Variants in RNPC3 observed in about 807,000 individuals in gnomAD.
RNPC3 encodes RNA binding region (RNP1, RRM) containing 3.
In RNPC3, 48 loss-of-function variants were observed where a neutral mutation model predicts 67.5. The observed-to-expected ratio is 0.71, with a 90% confidence interval of 0.56 to 0.90. The LOEUF is 0.90. Ranked by LOEUF, RNPC3 falls within the 40% of genes least tolerant of loss-of-function variation. RNPC3 has a pLI of 0.00. For missense variants in RNPC3, 637 were observed against 626.1 expected, an observed-to-expected ratio of 1.02 and a Z score of -0.19; for synonymous variants, 239 against 210.3, an observed-to-expected ratio of 1.14 and a Z score of -1.18.
Position 103,552,528 on chromosome 1 carries a change from G to T in RNPC3, c.*12+736G>T, listed in dbSNP as rs1651419079. On this transcript the variant is annotated intron_variant, in intron 14 of 14. Transcript: ENST00000423855. ...TGTAATCTCAGCAATTTGGGAAGTGGAGGTGGGCGGATCACAAGGTCCAGA... is the reference window on the plus strand; with the variant it reads ...TGTAATCTCAGCAATTTGGGAAGTGTAGGTGGGCGGATCACAAGGTCCAGA... The T allele has an allele frequency of 2.0e-5, 3 of 152,214 alleles. No homozygotes were observed. In the South Asian group the frequency reaches 6.2e-4, roughly 32 times the overall value. The allele number at this position is 152,214 out of a possible 1,614,324, so 9.4% of individuals were successfully genotyped here.
chr1:103,551,267 G>T, intron 13 of RNPC3, 194 bp downstream of exon 13: 1 of 522,970 alleles, frequency 1.9e-6, no homozygotes, highest in Non-Finnish European at 3.3e-6. Flanking sequence ...AGCTTCAGCA[G>T]CATGAGGTTG....
At chr1:103,532,996 T>C (rs1187293886) in intron 2 of RNPC3, among the ~76,000 whole-genome samples, 1 of 152,058 alleles carries the variant, frequency 6.6e-6, no homozygotes, top group Non-Finnish European at 1.5e-5. Context: ...GTTTTCATAC[T>C]GATACGGATA....
intron 11 of RNPC3, 44 bp downstream of exon 11, chr1:103,546,386 G>A (rs1435746380): frequency 2.8e-6 from 3 of 1,062,726 alleles, no homozygotes. Flanking sequence ...AAAATAATTT[G>A]AAGGTTTTAT....
At position 103,551,034 on chromosome 1, in the gene RNPC3, A is replaced by G; in HGVS notation, c.1455A>G (p.Glu485=). 2.5e-6 allele frequency: 4 copies of G among 1,612,640 alleles called. No individual in the cohort carries two copies. In the South Asian group the frequency reaches 4.4e-5, roughly 18 times the overall value. Residue 485 remains glutamate, a synonymous_variant, in exon 13 of 15, where the codon GAA becomes GAG. Transcript: ENST00000423855. ...AAGCAGCAGCAAAAGCCTTAAAGGA[A>G]GCTAATGGATATGTGCTTTTTGGAA... is the stretch of plus-strand genomic sequence containing the variant. ...NEKAAAKALK[E]ANGYVLFGKP...
intron 7 of RNPC3, among the ~76,000 whole-genome samples, chr1:103,538,064 C>T (rs1412399409): frequency 1.3e-5 from 2 of 152,024 alleles, no homozygotes; most frequent in Non-Finnish European, 2.9e-5. Flanking sequence ...AGGCTGGTCT[C>T]GAACTCCCAA....
chr1:103,539,239 G>A (rs902084307), intron 7 of RNPC3, among the ~76,000 whole-genome samples: 5 of 152,162 alleles, frequency 3.3e-5, no homozygotes, highest in African/African-American at 1.2e-4. Context: ...GTTGGCATGA[G>A]GCAGAACCCA....
chr1:103,553,033 A>G (rs1318869308), intron 14 of RNPC3, among the ~76,000 whole-genome samples: 2 of 152,098 alleles, frequency 1.3e-5, no homozygotes, highest in Admixed American at 6.5e-5. Context: ...ATTGGTCACA[A>G]TTACTGGTGT....
intron 2 of RNPC3, among the ~76,000 whole-genome samples, chr1:103,528,814 A>G (rs1029719685): frequency 6.6e-6 from 1 of 152,248 alleles, no homozygotes; most frequent in Non-Finnish European, 1.5e-5. Context: ...TAGGAGAACT[A>G]GAAAGGAAAT....
rs926629091 is a variant in RNPC3 at position 103,543,046 on chromosome 1, C to A, written c.894-250C>A. Among the ~76,000 whole-genome samples the A allele has an allele frequency of 4.6e-5, 7 of 151,726 alleles. No homozygotes were observed. In the East Asian group the frequency reaches 1.3e-3, roughly 29 times the overall value. On this transcript the variant is annotated intron_variant, in intron 8 of 14. Transcript: ENST00000423855. ...CCTTCTCTGTCATTTACAGAATGAC[C>A]TTATACAAATTATTGACATCGCTGA...
At chr1:103,530,780 C>T (rs1187163623) in intron 2 of RNPC3, among the ~76,000 whole-genome samples, 2 of 152,060 alleles carry the variant, frequency 1.3e-5, no homozygotes, top group Non-Finnish European at 2.9e-5. Context: ...GCCTTGACCA[C>T]AATGGTAGTG....
Position 103,525,900 on chromosome 1 carries a change from C to T in RNPC3, c.-171C>T, listed in dbSNP as rs949681070. 5 of 604,170 alleles carry T rather than the reference C, an allele frequency of 8.3e-6. No individual in the cohort carries two copies. Among genetic ancestry groups the T allele is most frequent in the Non-Finnish European group, 1.4e-5 (5 of 346,670 alleles). 37.4% of individuals were successfully genotyped at this position (604,170 alleles called of 1,614,324 possible). ...CCCCGAAGAGTCTTCGAAGGGTTGC[C>T]GCTTTTCGGTGGCGCAGTTCTCGCG... On this transcript the variant is annotated 5_prime_UTR_variant, in exon 1 of 15. Coordinates refer to ENST00000423855, the MANE Select transcript of RNPC3 (RefSeq NM_017619.4).
chr1:103,539,473 A>G (rs1332802463), intron 7 of RNPC3, among the ~76,000 whole-genome samples: 1 of 152,230 alleles, frequency 6.6e-6, no homozygotes, highest in Non-Finnish European at 1.5e-5. Flanking sequence ...TAACTTGTTG[A>G]GTGTTAACTG....
At position 103,544,487 on chromosome 1, in the gene RNPC3, A is replaced by C. The variant is rs142108669; in HGVS notation, c.1046-454A>C. On this transcript the variant is annotated intron_variant, in intron 9 of 14. Coordinates refer to ENST00000423855, the MANE Select transcript of RNPC3 (RefSeq NM_017619.4). ...TATCATGCCTTTTTCATAGAAGTTG[A>C]GGTTGTTTCCCTTCTTTTACTATTG... 3.1e-3 allele frequency among the ~76,000 whole-genome samples: 464 copies of C among 151,940 alleles called. 1 individual carries two copies. The highest frequency in any genetic ancestry group is 4.7e-3 in the Non-Finnish European group (317 of 67,736).
intron 7 of RNPC3, among the ~76,000 whole-genome samples, chr1:103,540,012 A>G (rs757014794): frequency 6.6e-6 from 1 of 152,142 alleles, no homozygotes; most frequent in Non-Finnish European, 1.5e-5. Context: ...GGCATGTGCT[A>G]CCACACCTGG....
chr1:103,541,303 T>C (rs1206750127), intron 7 of RNPC3, 47 bp from the exon 8 acceptor site: 1 of 1,404,446 alleles, frequency 7.1e-7, no homozygotes, highest in African/African-American at 1.5e-5. Flanking sequence ...TAAATAGCTA[T>C]GCTTCTAGAA....
intron 14 of RNPC3, 154 bp downstream of exon 14, chr1:103,551,946 C>G (rs1484800449): frequency 2.1e-6 from 1 of 468,610 alleles, no homozygotes; most frequent in Middle Eastern, 5.4e-4. Context: ...AACGTCAAAA[C>G]TATAACTACA....
At chr1:103,553,645 A>G (rs1651453545) in intron 14 of RNPC3, 1 of 152,234 alleles carries the variant, frequency 6.6e-6, no homozygotes, top group African/African-American at 2.4e-5. Context: ...AACCTAATTC[A>G]ATAACATATG....
intron 8 of RNPC3, 59 bp from the exon 9 acceptor site, chr1:103,543,230 GAAATAAT>G: frequency 8.7e-7 from 1 of 1,150,686 alleles, no homozygotes; most frequent in Non-Finnish European, 1.1e-6. Flanking sequence ...AAATAAACTT[GAAATAAT>G]ATTTTACTCA....
At chr1:103,553,129 T>C (rs1651439693) in intron 14 of RNPC3, 1 of 152,198 alleles carries the variant, frequency 6.6e-6, no homozygotes, top group East Asian at 1.9e-4. Context: ...AATTTTGTTG[T>C]ACGTCTATAC....
Sources: gnomAD v4.1 joint callset for allele counts (sites outside exome capture counted in the v4.1 genomes callset) on GRCh38, gnomAD v4.1.1 for gene constraint, MANE v1.5 for transcripts, NCBI Gene and HGNC (gene_info 2026-07-23, HGNC 2026-07-21) for gene names.